The following NCLN variants were observed in gnomAD, a reference collection of about 807,000 sequenced individuals.
NCLN encodes the protein BOS complex subunit NCLN.
Under a neutral mutation model 69.5 loss-of-function variants are expected in NCLN, and 34 were observed. The observed-to-expected ratio is 0.49, with a 90% CI of 0.37 to 0.65. The LOEUF (loss-of-function observed/expected upper bound fraction) is 0.65, where lower values mean the gene tolerates loss of function less well. NCLN is among the 30% of genes least tolerant of loss of function. The pLI is 0.00. For synonymous variants in NCLN, 393 were observed against 358.3 expected (o/e 1.10, Z -1.09); for missense variants, 710 against 804.8 (o/e 0.88, Z 1.42).
At chr19:3,207,162 G>C (rs374468652) in intron 12 of NCLN, 36 bp from the exon 13 acceptor site, 17 of 1,609,928 alleles carry the variant, frequency 1.1e-5, no homozygotes, top group Non-Finnish European at 1.4e-5. Flanking sequence ...TTAGCTGGGC[G>C]CAGTGGTGCC....
chr19:3,207,300 C>T (rs369224419), intron 13 of NCLN, 49 bp downstream of exon 13: 112 of 1,612,130 alleles, frequency 6.9e-5, no homozygotes, highest in Non-Finnish European at 8.9e-5. Flanking sequence ...CTACGGGTTA[C>T]AGCCGAGGGG....
rs943963908 is a variant in NCLN, at chr19:3,207,795, C to A, written c.*107C>A. ...CGGGCGGCCCTGCAGGGACAGGGGC[C>A]CTCTCCCTCCCCGGCGGTGGTTGGA... is the stretch of plus-strand genomic sequence containing the variant. On this transcript the variant is annotated 3_prime_UTR_variant, in exon 15 of 15. Coordinates refer to ENST00000246117, the MANE Select transcript of NCLN (RefSeq NM_020170.4). The A allele has an allele frequency of 5.7e-6, 5 of 882,106 alleles. No individual in the cohort carries two copies. Among genetic ancestry groups the A allele is most frequent in the Admixed American group, 4.0e-5 (2 of 49,662 alleles). The allele number at this position is 882,106 out of a possible 1,614,324, so 54.6% of individuals were successfully genotyped here.
intron 3 of NCLN, among the ~76,000 whole-genome samples, chr19:3,195,073 C>G (rs1331651356): frequency 1.3e-5 from 2 of 151,308 alleles, no homozygotes; most frequent in African/African-American, 4.9e-5. Flanking sequence ...GCTCAGGAGG[C>G]TGAGGTGGGA....
intron 1 of NCLN, among the ~76,000 whole-genome samples, chr19:3,191,102 G>A (rs1374748950): frequency 2.0e-5 from 3 of 151,162 alleles, no homozygotes; most frequent in Non-Finnish European, 2.9e-5. Flanking sequence ...GTCGCGGTGC[G>A]TGGCGGGCAG....
chr19:3,202,717 T>C (rs1182209389), intron 6 of NCLN, among the ~76,000 whole-genome samples: 2 of 151,944 alleles, frequency 1.3e-5, no homozygotes, highest in Admixed American at 1.3e-4. Flanking sequence ...GCACTAGGAT[T>C]ACAGGTGTGA....
At chr19:3,199,588 T>A (rs1430912879) in intron 5 of NCLN, among the ~76,000 whole-genome samples, 1 of 151,598 alleles carries the variant, frequency 6.6e-6, no homozygotes, top group Admixed American at 6.6e-5. Flanking sequence ...AGGTTCCTGG[T>A]CTCAGGCCTG....
At chr19:3,207,066 C>G in intron 12 of NCLN, 132 bp from the exon 13 acceptor site, 2 of 1,005,960 alleles carry the variant, frequency 2.0e-6, no homozygotes, top group South Asian at 2.6e-5. Context: ...TCAAGTGATC[C>G]GCCTGCCTCA....
intron 1 of NCLN, among the ~76,000 whole-genome samples, chr19:3,189,005 G>C (rs147761782): frequency 6.6e-6 from 1 of 152,206 alleles, no homozygotes; most frequent in Non-Finnish European, 1.5e-5. Context: ...TTTCACCCCC[G>C]GGCCCACTAC....
intron 3 of NCLN, among the ~76,000 whole-genome samples, chr19:3,194,516 A>T (rs1477233795): frequency 1.3e-5 from 2 of 152,252 alleles, no homozygotes; most frequent in African/African-American, 4.8e-5. Flanking sequence ...ATTTATGCAC[A>T]GTCCACGGTG....
At chr19:3,188,411 G>A (rs1048830834) in intron 1 of NCLN, among the ~76,000 whole-genome samples, 3 of 152,174 alleles carry the variant, frequency 2.0e-5, no homozygotes, top group African/African-American at 4.8e-5. Flanking sequence ...ACGGCCAGAC[G>A]GACGCCCTCT....
intron 3 of NCLN, among the ~76,000 whole-genome samples, chr19:3,193,863 C>T (rs923724628): frequency 3.3e-5 from 5 of 152,274 alleles, no homozygotes; most frequent in African/African-American, 9.6e-5. Flanking sequence ...CCTCCAGCCC[C>T]GTGAACGGGG....
At chr19:3,202,144 T>C (rs1435103701) in intron 6 of NCLN, among the ~76,000 whole-genome samples, 1 of 152,038 alleles carries the variant, frequency 6.6e-6, no homozygotes, top group East Asian at 1.9e-4. Context: ...CCCGAGAGAC[T>C]ATGTCCCGTG....
intron 13 of NCLN, 54 bp downstream of exon 13, chr19:3,207,305 G>A (rs771863213): frequency 7.8e-5 from 125 of 1,611,836 alleles, no homozygotes; most frequent in Admixed American, 1.7e-4. Context: ...GGTTACAGCC[G>A]AGGGGACTGC....
At chr19:3,190,344 C>A (rs1915785947) in intron 1 of NCLN, among the ~76,000 whole-genome samples, 1 of 152,214 alleles carries the variant, frequency 6.6e-6, no homozygotes, top group Non-Finnish European at 1.5e-5. Flanking sequence ...GGCCTCAGAG[C>A]TGGTTCTCTG....
At chr19:3,188,283 A>G (rs1361147077) in intron 1 of NCLN, among the ~76,000 whole-genome samples, 8 of 151,570 alleles carry the variant, frequency 5.3e-5, no homozygotes, top group Admixed American at 5.3e-4. Context: ...CACCCAGGGA[A>G]TGCATGTTGG....
intron 6 of NCLN, among the ~76,000 whole-genome samples, chr19:3,202,626 C>T (rs311626): frequency 0.22 from 33,936 of 152,170 alleles, 3,823 homozygotes; most frequent in East Asian, 0.28. Context: ...CACAAGGCGC[C>T]GGGAGTCATG....
chr19:3,201,230 G>C (rs887767443), intron 5 of NCLN, among the ~76,000 whole-genome samples: 1 of 152,206 alleles, frequency 6.6e-6, no homozygotes, highest in Admixed American at 6.5e-5. Flanking sequence ...TCCCGGGCGC[G>C]GGCCGAGCCG....
Position 3,186,098 on chromosome 19 carries a change from T to C in NCLN, c.68T>C (p.Ile23Thr). The C allele has an allele frequency of 6.2e-7, 1 of 1,600,058 alleles. No individual in the cohort carries two copies. ...GCGTCTTGTCTGCCGCTCGGCTTCA[T>C]CGTCTTCCTGCCCGCTGTGCTGCTG... ...LKASCLPLGFIVFLPAVLLLV... is the reference protein window; with the variant it reads ...LKASCLPLGFTVFLPAVLLLV... Residue 23 changes from isoleucine to threonine, a missense_variant, in exon 1 of 15, where the codon ATC becomes ACC. Ile to Thr is a moderately conservative substitution (Grantham distance 89). Coordinates refer to ENST00000246117, the MANE Select transcript of NCLN (RefSeq NM_020170.4).
At chr19:3,196,696 C>T (rs997295937) in intron 4 of NCLN, among the ~76,000 whole-genome samples, 16 of 152,226 alleles carry the variant, frequency 1.1e-4, no homozygotes, top group African/African-American at 2.7e-4. Context: ...CCGAGCACCC[C>T]GGGATATCAG....
Sources: gnomAD v4.1 joint callset for allele counts (sites outside exome capture counted in the v4.1 genomes callset) on GRCh38, gnomAD v4.1.1 for gene constraint, MANE v1.5 for transcripts, NCBI Gene and HGNC (gene_info 2026-07-23, HGNC 2026-07-21) for gene names.